The following DDX60 variants were observed in gnomAD, a reference collection of about 807,000 sequenced individuals.
DDX60 encodes DExD/H-box helicase 60.
A neutral mutation model predicts 212.8 loss-of-function variants in DDX60; 165 were observed. That is an observed-to-expected ratio of 0.78 (90% CI 0.68 to 0.88). The LOEUF is 0.88. Among genes scored for constraint, DDX60 ranks in the 40% least tolerant of loss-of-function variants. The pLI is 0.00. For missense variants in DDX60, 1,905 were observed against 2,003.9 expected, an observed-to-expected ratio of 0.95 and a Z score of 0.94; for synonymous variants, 703 against 685.3, an observed-to-expected ratio of 1.03 and a Z score of -0.40.
At chr4:168,236,070 G>T (rs768862095) in intron 33 of DDX60, 182 bp downstream of exon 33, 14 of 488,334 alleles carry the variant, frequency 2.9e-5, no homozygotes, top group Non-Finnish European at 4.8e-5. Flanking sequence ...CTTTTTGGTA[G>T]ATTTACAGAG....
intron 7 of DDX60, 115 bp from the exon 8 acceptor site, chr4:168,292,021 A>ATTCC: frequency 1.9e-6 from 1 of 534,048 alleles, no homozygotes; most frequent in Non-Finnish European, 3.0e-6. Context: ...ATCATGAATT[A>ATTCC]TTCCTTTCTT....
intron 30 of DDX60, among the ~76,000 whole-genome samples, chr4:168,240,475 TA>T (rs1391758824): frequency 1.3e-5 from 2 of 152,142 alleles, no homozygotes; most frequent in East Asian, 3.8e-4. Flanking sequence ...AAAACTATTT[TA>T]AAATTCATAG....
Position 168,306,731 on chromosome 4 carries a change from G to C in DDX60, c.265-11C>G, listed in dbSNP as rs753902836. ...CGCATACTCGGCATCCTGTGGAGGAGGAGGTGAAGTACATTTTATTTCAAA... is the reference window on the plus strand; with the variant it reads ...CGCATACTCGGCATCCTGTGGAGGACGAGGTGAAGTACATTTTATTTCAAA... On this transcript the variant is annotated splice_polypyrimidine_tract_variant and intron_variant, in intron 4 of 37. Coordinates refer to ENST00000393743, the MANE Select transcript of DDX60 (RefSeq NM_017631.6). 7.6e-6 allele frequency: 12 copies of C among 1,580,730 alleles called. No individual in the cohort carries two copies. Among genetic ancestry groups the C allele is most frequent in the Non-Finnish European group, 8.7e-6 (10 of 1,154,258 alleles).
chr4:168,296,560 A>T (rs1248682709), intron 6 of DDX60, among the ~76,000 whole-genome samples: 1 of 152,090 alleles, frequency 6.6e-6, no homozygotes, highest in Non-Finnish European at 1.5e-5. Context: ...CCCCACTAAC[A>T]TGCCTGGATT....
intron 8 of DDX60, 62 bp downstream of exon 8, chr4:168,291,686 A>T: frequency 1.4e-6 from 2 of 1,432,718 alleles, no homozygotes; most frequent in Non-Finnish European, 1.9e-6. Flanking sequence ...TTTGAAAGTT[A>T]TTGTAGTTTC....
chr4:168,304,420 GC>G (rs1560876881), intron 5 of DDX60, among the ~76,000 whole-genome samples: 1 of 151,950 alleles, frequency 6.6e-6, no homozygotes, highest in East Asian at 1.9e-4. Context: ...AGAAAGAAAG[GC>G]CAGGCACAGT....
chr4:168,291,991 G>A (rs958088637), intron 7 of DDX60, 85 bp from the exon 8 acceptor site: 17 of 778,910 alleles, frequency 2.2e-5, no homozygotes, highest in Non-Finnish European at 3.1e-5. Flanking sequence ...AAAGCTGACA[G>A]CTACCTTTGC....
At chr4:168,244,641 C>T (rs955544332) in intron 30 of DDX60, among the ~76,000 whole-genome samples, 1 of 152,148 alleles carries the variant, frequency 6.6e-6, no homozygotes, top group Non-Finnish European at 1.5e-5. Flanking sequence ...AGGGGAATTG[C>T]TTGAACCTGG....
intron 29 of DDX60, 93 bp downstream of exon 29, chr4:168,248,095 G>A: frequency 1.3e-6 from 1 of 770,808 alleles, no homozygotes; most frequent in South Asian, 2.2e-5. Flanking sequence ...ACTGTGAATT[G>A]TGGCATGTTT....
upstream of DDX60, among the ~76,000 whole-genome samples, chr4:168,319,032 ATAGC>A (rs1251722477): frequency 1.3e-5 from 2 of 152,222 alleles, no homozygotes; most frequent in Non-Finnish European, 2.9e-5. Flanking sequence ...ATATTTCAAA[ATAGC>A]TAGAAGAGAG....
intron 5 of DDX60, among the ~76,000 whole-genome samples, chr4:168,304,407 AAAAG>A (rs1484699758): frequency 6.6e-6 from 1 of 152,200 alleles, no homozygotes; most frequent in Admixed American, 6.5e-5. Context: ...AATAATGATA[AAAAG>A]AAAGAAAGGC....
intron 36 of DDX60, among the ~76,000 whole-genome samples, chr4:168,221,141 T>TTTA (rs1194258365): frequency 6.6e-6 from 1 of 152,174 alleles, no homozygotes; most frequent in East Asian, 1.9e-4. Flanking sequence ...ACCTTCATTC[T>TTTA]ATAAGGACTG....
chr4:168,316,526 GA>G (rs893049393), intron 1 of DDX60, among the ~76,000 whole-genome samples: 3 of 151,760 alleles, frequency 2.0e-5, no homozygotes, highest in African/African-American at 7.3e-5. Context: ...GACAATATAT[GA>G]AAAAAAATAA....
chr4:168,265,187 C>A (rs961125480), intron 22 of DDX60, among the ~76,000 whole-genome samples: 1 of 152,194 alleles, frequency 6.6e-6, no homozygotes, highest in South Asian at 2.1e-4. Flanking sequence ...GGATTCAGAT[C>A]AGCTCACTGG....
intron 33 of DDX60, among the ~76,000 whole-genome samples, chr4:168,233,792 A>C (rs1390444784): frequency 3.3e-5 from 5 of 152,078 alleles, no homozygotes; most frequent in African/African-American, 1.2e-4. Context: ...CCAAAATCTC[A>C]GAAATCACTA....
chr4:168,236,133 A>T (rs1386062775), intron 33 of DDX60, 119 bp downstream of exon 33: 2 of 945,836 alleles, frequency 2.1e-6, no homozygotes, highest in African/African-American at 3.5e-5. Context: ...AGAACAAATT[A>T]TTCTATAAAA....
At chr4:168,227,964 T>C (rs1002690621) in intron 33 of DDX60, among the ~76,000 whole-genome samples, 2 of 152,120 alleles carry the variant, frequency 1.3e-5, no homozygotes, top group African/African-American at 4.8e-5. Context: ...CTTGTATAAA[T>C]AGCATATATA....
chr4:168,218,425 C>T (rs1183942613), intron 37 of DDX60, among the ~76,000 whole-genome samples: 3 of 152,106 alleles, frequency 2.0e-5, no homozygotes, highest in African/African-American at 2.4e-5. Context: ...AATTTTACCT[C>T]GTAAATATTT....
At chr4:168,291,009 A>AC (rs1340123910) in intron 8 of DDX60, among the ~76,000 whole-genome samples, 3 of 152,172 alleles carry the variant, frequency 2.0e-5, no homozygotes, top group Non-Finnish European at 4.4e-5. Flanking sequence ...TCAAGCCAAA[A>AC]TCAATAACCC....
Sources: gnomAD v4.1 joint callset for allele counts (sites outside exome capture counted in the v4.1 genomes callset) on GRCh38, gnomAD v4.1.1 for gene constraint, MANE v1.5 for transcripts, NCBI Gene and HGNC (gene_info 2026-07-23, HGNC 2026-07-21) for gene names.